Variants in PDZK1 observed in about 807,000 individuals in gnomAD.
PDZK1 encodes PDZ domain containing 1, also known as Na(+)/H(+) exchange regulatory cofactor NHE-RF3.
A neutral mutation model predicts 38.1 loss-of-function variants in PDZK1; 23 were observed. The observed-to-expected ratio is 0.60, with a 90% CI of 0.43 to 0.85. The LOEUF is 0.85. Ranked by LOEUF, PDZK1 falls within the 40% of genes least tolerant of loss-of-function variation. PDZK1 has a pLI of 0.00. For synonymous variants in PDZK1, 98 were observed against 186.2 expected, an observed-to-expected ratio of 0.53 and a Z score of 3.86; for missense variants, 297 against 504.3, an observed-to-expected ratio of 0.59 and a Z score of 3.94.
At chr1:145,677,712 A>G (rs1336141361) in intron 6 of PDZK1, among the ~76,000 whole-genome samples, 3 of 148,956 alleles carry the variant, frequency 2.0e-5, no homozygotes, top group African/African-American at 7.4e-5. Flanking sequence ...TTCCTAATCT[A>G]TGAGGAGGGC....
At chr1:145,674,275 G>A in intron 6 of PDZK1, 1 of 985,166 alleles carries the variant, frequency 1.0e-6, no homozygotes, top group Non-Finnish European at 1.2e-6. Flanking sequence ...GGTACCTCAT[G>A]CAGAGTACAT....
At chr1:145,684,248 G>A (rs1224781985) in intron 3 of PDZK1, among the ~76,000 whole-genome samples, 6 of 121,376 alleles carry the variant, frequency 4.9e-5, no homozygotes, top group South Asian at 2.6e-4. Context: ...TTGCTTTATC[G>A]CCCAGCCTGG....
chr1:145,703,202 A>G (rs750530257), intron 1 of PDZK1, among the ~76,000 whole-genome samples: 15 of 152,150 alleles, frequency 9.9e-5, no homozygotes, highest in Non-Finnish European at 2.1e-4. Flanking sequence ...GTTATCGCTC[A>G]TGTACTTAAC....
At chr1:145,674,276 C>G in intron 6 of PDZK1, 1 of 985,224 alleles carries the variant, frequency 1.0e-6, no homozygotes, top group Non-Finnish European at 1.2e-6. Context: ...GTACCTCATG[C>G]AGAGTACATT....
intron 1 of PDZK1, among the ~76,000 whole-genome samples, chr1:145,703,284 A>G (rs587713692): frequency 6.6e-6 from 1 of 152,300 alleles, no homozygotes; most frequent in South Asian, 2.1e-4. Flanking sequence ...CCTGCCCTGA[A>G]AGAGCCTGGA....
Position 145,690,383 on chromosome 1 carries a change from G to A in PDZK1, c.-2-2360C>T, listed in dbSNP as rs587628979. ...CAGAAAAGAAAGACGAGGTCTCAATGTACTTTACTGGGAGGATCAGACAGT... is the reference window on the plus strand; with the variant it reads ...CAGAAAAGAAAGACGAGGTCTCAATATACTTTACTGGGAGGATCAGACAGT... On this transcript the variant is annotated intron_variant, in intron 1 of 8. Transcript: ENST00000417171. 5.3e-5 allele frequency among the ~76,000 whole-genome samples: 8 copies of A among 152,270 alleles called. No individual in the cohort carries two copies. In the South Asian group the frequency reaches 1.7e-3, roughly 32 times the overall value.
At chr1:145,688,774 T>C (rs1655012475) in intron 1 of PDZK1, among the ~76,000 whole-genome samples, 1 of 151,936 alleles carries the variant, frequency 6.6e-6, no homozygotes, top group African/African-American at 2.4e-5. Flanking sequence ...GCCTGGCCAA[T>C]ATGGTGAAAC....
intron 6 of PDZK1, among the ~76,000 whole-genome samples, chr1:145,674,914 A>G (rs1653497485): frequency 6.6e-6 from 1 of 152,206 alleles, no homozygotes; most frequent in Non-Finnish European, 1.5e-5. Flanking sequence ...GAAGAGACCA[A>G]CCCATATACA....
intron 4 of PDZK1, among the ~76,000 whole-genome samples, 166 bp from the exon 5 acceptor site, chr1:145,681,273 T>C (rs1188597893): frequency 2.1e-5 from 3 of 144,328 alleles, no homozygotes; most frequent in Non-Finnish European, 4.5e-5. Context: ...CTAACTGATA[T>C]GTATTTATCG....
At position 145,686,500 on chromosome 1, in the gene PDZK1, C is replaced by A; in HGVS notation, c.437G>T (p.Gly146Val). ...CYLVKEGGSY[G>V]FSLKTVQGKK... ...ACCTTGGACAGTTTTCAGAGAGAAGCCATAGCTGCCTCCTTCCTTCACGAG... is the reference window on the plus strand; with the variant it reads ...ACCTTGGACAGTTTTCAGAGAGAAGACATAGCTGCCTCCTTCCTTCACGAG... Residue 146 changes from glycine (G) to valine (V), a missense_variant, in exon 3 of 9, where the codon GGC (glycine) becomes GTC (valine). Gly to Val is a moderately radical substitution (Grantham distance 109). Coordinates refer to ENST00000417171, the MANE Select transcript of PDZK1 (RefSeq NM_001201325.2). 1 of 1,612,032 alleles carries A rather than the reference C, an allele frequency of 6.2e-7. No homozygotes were observed. Among genetic ancestry groups the A allele is most frequent in the Non-Finnish European group, 8.5e-7 (1 of 1,179,864 alleles).
intron 1 of PDZK1, among the ~76,000 whole-genome samples, chr1:145,690,962 A>G (rs1655194357): frequency 6.6e-6 from 1 of 152,212 alleles, no homozygotes; most frequent in African/African-American, 2.4e-5. Context: ...ATTCAAGGTC[A>G]GTTTCTTTTT....
In PDZK1 at chr1:145,672,728, A is replaced by G. The variant is rs1653208327; in HGVS notation, c.1506+2T>C. On this transcript the variant is annotated splice_donor_variant, in intron 8 of 8. Coordinates refer to ENST00000417171, the MANE Select transcript of PDZK1 (RefSeq NM_001201325.2). LOFTEE classifies it high-confidence loss of function. ...CACGAAAAGAAATAGGCCCCCACTC[A>G]CCCGTTCTTTTGCCATGTGCGAGTC... The G allele has an allele frequency of 2.5e-6, 4 of 1,611,666 alleles. No individual in the cohort carries two copies. The highest frequency in any genetic ancestry group is 3.4e-6 in the Non-Finnish European group (4 of 1,179,726).
At chr1:145,691,863 C>T (rs1314218516) in intron 1 of PDZK1, 1 of 151,390 alleles carries the variant, frequency 6.6e-6, no homozygotes, top group Non-Finnish European at 1.5e-5. Context: ...TTCCTGAGCT[C>T]GGGGGGGAAA....
chr1:145,695,827 G>A (rs1655597905), intron 1 of PDZK1, among the ~76,000 whole-genome samples: 1 of 152,198 alleles, frequency 6.6e-6, no homozygotes, highest in South Asian at 2.1e-4. Flanking sequence ...TGACAGAGGT[G>A]GAGGAACTAC....
intron 6 of PDZK1, chr1:145,674,109 T>G (rs1171673979): frequency 2.6e-6 from 2 of 777,726 alleles, no homozygotes; most frequent in African/African-American, 3.8e-5. Flanking sequence ...AATGCACACA[T>G]GAACATAAAA....
At chr1:145,671,542 T>C in intron 8 of PDZK1, 53 bp from the exon 9 acceptor site, 1 of 1,150,942 alleles carries the variant, frequency 8.7e-7, no homozygotes, top group Non-Finnish European at 1.3e-6. Flanking sequence ...GAAAGAGGGA[T>C]GATCTATTCT....
chr1:145,705,001 T>C (rs1656170231), intron 1 of PDZK1, among the ~76,000 whole-genome samples: 1 of 152,176 alleles, frequency 6.6e-6, no homozygotes, highest in Non-Finnish European at 1.5e-5. Flanking sequence ...CAGGTAGTGC[T>C]CAAGGGGCTG....
At chr1:145,674,581 G>A (rs1311381733) in intron 6 of PDZK1, among the ~76,000 whole-genome samples, 3 of 152,010 alleles carry the variant, frequency 2.0e-5, no homozygotes, top group South Asian at 4.2e-4. Flanking sequence ...CTGGTTCTCC[G>A]GCCTTTGGAC....
At chr1:145,705,270 T>C (rs1239423777) in intron 1 of PDZK1, among the ~76,000 whole-genome samples, 1 of 152,110 alleles carries the variant, frequency 6.6e-6, no homozygotes, top group Admixed American at 6.5e-5. Flanking sequence ...TTTGTATTTT[T>C]AGTAGAGATG....
Sources: allele counts gnomAD v4.1 joint callset (sites outside exome capture counted in the v4.1 genomes callset), GRCh38; gene constraint gnomAD v4.1.1; transcripts MANE v1.5; gene names NCBI Gene and HGNC (gene_info 2026-07-23, HGNC 2026-07-21).